The following CADPS variants were observed in gnomAD, a reference collection of about 807,000 sequenced individuals.
CADPS encodes calcium dependent secretion activator.
A neutral mutation model predicts 167.3 loss-of-function variants in CADPS; 57 were observed. That is an observed-to-expected ratio of 0.34 (90% CI 0.28 to 0.42). The LOEUF (loss-of-function observed/expected upper bound fraction) is 0.42. CADPS is among the 20% of genes least tolerant of loss of function. The pLI, the probability that CADPS is intolerant of heterozygous loss-of-function variation, is 1.00. For missense variants in CADPS, 1,414 were observed against 1,738.1 expected (o/e 0.81, Z 3.32); for synonymous variants, 676 against 635.3 (o/e 1.06, Z -0.96).
At chr3:62,495,576 T>C (rs2064575340) in intron 18 of CADPS, among the ~76,000 whole-genome samples, 1 of 152,222 alleles carries the variant, frequency 6.6e-6, no homozygotes, top group Non-Finnish European at 1.5e-5. Flanking sequence ...GAGCTTTTCG[T>C]TATTCAAAGA....
At chr3:62,520,921 G>A (rs2070385152) in intron 13 of CADPS, among the ~76,000 whole-genome samples, 1 of 152,202 alleles carries the variant, frequency 6.6e-6, no homozygotes, top group Non-Finnish European at 1.5e-5. Flanking sequence ...ATTTGGCAAT[G>A]TTAGCTATAC....
chr3:62,399,386 A>G lies in CADPS; in HGVS notation c.*20T>C, dbSNP rs1165654290. 1 of 1,610,686 alleles carries G rather than the reference A, an allele frequency of 6.2e-7. No homozygotes were observed. The highest frequency in any genetic ancestry group is 1.3e-5 in the African/African-American group (1 of 74,854). ...ACTGATTACAGGACTCTGTCCCAGC[A>G]GACTCTAGGACCAAATGGTCTAATC... On this transcript the variant is annotated 3_prime_UTR_variant, in exon 30 of 30. Transcript: ENST00000383710. The surrounding 1 kb of genome is among the most constrained non-coding windows in gnomAD (Gnocchi z 5.6).
chr3:62,511,383 A>C (rs530505922), intron 17 of CADPS, among the ~76,000 whole-genome samples: 3 of 152,226 alleles, frequency 2.0e-5, no homozygotes, highest in African/African-American at 7.2e-5. Flanking sequence ...TATACCACTT[A>C]TACTTCTGGA....
intron 3 of CADPS, among the ~76,000 whole-genome samples, chr3:62,670,986 C>A (rs1353538991): frequency 6.6e-6 from 1 of 152,158 alleles, no homozygotes; most frequent in Non-Finnish European, 1.5e-5. Flanking sequence ...GTCAGAGACC[C>A]AGGAGCTGGA....
intron 28 of CADPS, among the ~76,000 whole-genome samples, chr3:62,431,393 C>G (rs372895961): frequency 3.3e-5 from 5 of 150,002 alleles, no homozygotes; most frequent in African/African-American, 4.9e-5. Flanking sequence ...ACAGTTTAGC[C>G]CCCCCTCAAT....
At chr3:62,614,891 T>C (rs548932164) in intron 6 of CADPS, among the ~76,000 whole-genome samples, 1 of 152,278 alleles carries the variant, frequency 6.6e-6, no homozygotes, top group South Asian at 2.1e-4. Flanking sequence ...TTCTTGTCTG[T>C]AAATGGGAAC....
chr3:62,704,753 A>T (rs2082026257), intron 3 of CADPS, among the ~76,000 whole-genome samples: 1 of 152,172 alleles, frequency 6.6e-6, no homozygotes, highest in African/African-American at 2.4e-5. Context: ...ATCAAATTTT[A>T]TCAGGTATGG....
chr3:62,416,992 C>G (rs1459850839), intron 28 of CADPS, among the ~76,000 whole-genome samples: 2 of 151,830 alleles, frequency 1.3e-5, no homozygotes, highest in Non-Finnish European at 2.9e-5. Flanking sequence ...CTCAGGTGAT[C>G]CTCCCACCTC....
At chr3:62,738,050 C>A (rs754554669) in intron 3 of CADPS, among the ~76,000 whole-genome samples, 1 of 152,114 alleles carries the variant, frequency 6.6e-6, no homozygotes, top group Non-Finnish European at 1.5e-5. Context: ...GTTCCTGGAA[C>A]AGTGTCTGGT....
chr3:62,463,969 T>C (rs1289022703), intron 26 of CADPS, among the ~76,000 whole-genome samples: 1 of 152,156 alleles, frequency 6.6e-6, no homozygotes, highest in Admixed American at 6.5e-5. Flanking sequence ...AAGATTAATG[T>C]ATGGGTTGGG....
chr3:62,794,092 T>C (rs1244723533), intron 1 of CADPS, among the ~76,000 whole-genome samples: 1 of 152,190 alleles, frequency 6.6e-6, no homozygotes, highest in Non-Finnish European at 1.5e-5. Context: ...CAGCGATAAC[T>C]CTAATTTAAA....
At chr3:62,565,429 C>T (rs1408071891) in intron 9 of CADPS, among the ~76,000 whole-genome samples, 1 of 152,126 alleles carries the variant, frequency 6.6e-6, no homozygotes, top group African/African-American at 2.4e-5. Flanking sequence ...TAATGACCTC[C>T]AAGGCAGTGT....
At chr3:62,855,992 A>T (rs901569356) in intron 1 of CADPS, among the ~76,000 whole-genome samples, 1 of 152,216 alleles carries the variant, frequency 6.6e-6, no homozygotes, top group Admixed American at 6.5e-5. Flanking sequence ...ATAAACAAAG[A>T]CTATTCTTTG....
chr3:62,686,757 C>A (rs1580416395), intron 3 of CADPS, among the ~76,000 whole-genome samples: 1 of 152,086 alleles, frequency 6.6e-6, no homozygotes, highest in Non-Finnish European at 1.5e-5. Flanking sequence ...AAGCCCAACT[C>A]ATTTTTATTT....
At chr3:62,480,122 T>C (rs1168476172) in intron 22 of CADPS, among the ~76,000 whole-genome samples, 2 of 152,186 alleles carry the variant, frequency 1.3e-5, no homozygotes, top group African/African-American at 4.8e-5. Context: ...ATTTTCTTTT[T>C]ATTTTTAAGA....
chr3:62,731,835 A>AAAAGAAAAGAAG (rs568495417), intron 3 of CADPS, among the ~76,000 whole-genome samples: 1 of 110,242 alleles, frequency 9.1e-6, no homozygotes, highest in Non-Finnish European at 1.8e-5. Flanking sequence ...AAAAAAGTAA[A>AAAAGAAAAGAAG]GAAGGAAGAA....
At chr3:62,687,581 T>C (rs1353095029) in intron 3 of CADPS, among the ~76,000 whole-genome samples, 1 of 151,936 alleles carries the variant, frequency 6.6e-6, no homozygotes, top group Non-Finnish European at 1.5e-5. Flanking sequence ...AGGGCCAGGA[T>C]GAATTGGCTT....
chr3:62,670,740 C>A (rs1254709421), intron 3 of CADPS, among the ~76,000 whole-genome samples: 5 of 152,124 alleles, frequency 3.3e-5, no homozygotes, highest in Non-Finnish European at 7.4e-5. Flanking sequence ...TAGTGCTCAA[C>A]CAGTCTTTCC....
intron 1 of CADPS, among the ~76,000 whole-genome samples, chr3:62,867,318 G>A (rs975835109): frequency 6.6e-6 from 1 of 151,986 alleles, no homozygotes; most frequent in African/African-American, 2.4e-5. Context: ...TTTACCAATT[G>A]AGTGACCCAA....
Sources: gnomAD v4.1 joint callset for allele counts (sites outside exome capture counted in the v4.1 genomes callset) on GRCh38, gnomAD v4.1.1 for gene constraint, Gnocchi (gnomAD v3.1) non-coding constraint, MANE v1.5 for transcripts, NCBI Gene and HGNC (gene_info 2026-07-23, HGNC 2026-07-21) for gene names.